TRPC4: variants seen among roughly 807,000 people sequenced by gnomAD.
The protein encoded by TRPC4 is short transient receptor potential channel 4.
Under a neutral mutation model 99.4 loss-of-function variants are expected in TRPC4, and 49 were observed. That is an observed-to-expected ratio of 0.49 (90% CI 0.39 to 0.63). TRPC4 has a LOEUF of 0.63. Ranked by LOEUF, TRPC4 falls within the 20% of genes least tolerant of loss-of-function variation. The pLI is 0.00. For missense variants in TRPC4, 898 were observed against 1,152.9 expected (o/e 0.78, Z 3.20); for synonymous variants, 454 against 425.9 (o/e 1.07, Z -0.81).
chr13:37,868,453 T>A (rs918090217), intron 1 of TRPC4, among the ~76,000 whole-genome samples: 1 of 152,120 alleles, frequency 6.6e-6, no homozygotes, highest in African/African-American at 2.4e-5. Context: ...ACTCTCAATG[T>A]CTAATTTAGA....
At chr13:37,822,532 G>C (rs1198546856) in intron 1 of TRPC4, among the ~76,000 whole-genome samples, 1 of 142,740 alleles carries the variant, frequency 7.0e-6, no homozygotes, top group Non-Finnish European at 1.5e-5. Context: ...TTGGTTTTTT[G>C]TTCTTGTGAT....
intron 3 of TRPC4, among the ~76,000 whole-genome samples, chr13:37,712,754 A>G (rs1182033918): frequency 6.6e-6 from 1 of 152,098 alleles, no homozygotes; most frequent in African/African-American, 2.4e-5. Flanking sequence ...ATGTCTAGAG[A>G]AGGGTGAGAG....
At chr13:37,738,588 G>A (rs1955476948) in intron 3 of TRPC4, among the ~76,000 whole-genome samples, 1 of 152,140 alleles carries the variant, frequency 6.6e-6, no homozygotes, top group Non-Finnish European at 1.5e-5. Flanking sequence ...GTTTGAAAGT[G>A]GGATATATGC....
At chr13:37,785,003 A>C (rs547606019) in intron 1 of TRPC4, among the ~76,000 whole-genome samples, 2 of 152,180 alleles carry the variant, frequency 1.3e-5, no homozygotes, top group African/African-American at 2.4e-5. Context: ...AATATGTATT[A>C]ATTTTAGACG....
At chr13:37,712,898 C>A (rs1186556923) in intron 3 of TRPC4, among the ~76,000 whole-genome samples, 1 of 152,148 alleles carries the variant, frequency 6.6e-6, no homozygotes, top group Non-Finnish European at 1.5e-5. Context: ...GAAAGAAATG[C>A]ATGAGGTTTA....
intron 1 of TRPC4, among the ~76,000 whole-genome samples, chr13:37,814,908 T>G (rs9576363): frequency 0.29 from 43,775 of 151,588 alleles, 6,533 homozygotes; most frequent in East Asian, 0.43. Flanking sequence ...TTTGGAGGAC[T>G]TGCATTATCT....
At chr13:37,864,166 C>G (rs1022458368) in intron 1 of TRPC4, among the ~76,000 whole-genome samples, 11 of 151,702 alleles carry the variant, frequency 7.3e-5, no homozygotes, top group African/African-American at 2.2e-4. Flanking sequence ...TCTCAACTTA[C>G]TTTCCAAATA....
At chr13:37,704,461 C>G (rs573598842) in intron 3 of TRPC4, among the ~76,000 whole-genome samples, 1 of 152,096 alleles carries the variant, frequency 6.6e-6, no homozygotes, top group South Asian at 2.1e-4. Context: ...CCAAGGCAGG[C>G]AGATCACTTA....
intron 2 of TRPC4, among the ~76,000 whole-genome samples, chr13:37,769,281 G>A (rs531169678): frequency 1.3e-5 from 2 of 151,332 alleles, no homozygotes; most frequent in South Asian, 2.1e-4. Context: ...TTCCTTAACT[G>A]TGGTCAAAGG....
At chr13:37,835,068 C>T (rs1197917687) in intron 1 of TRPC4, among the ~76,000 whole-genome samples, 1 of 151,218 alleles carries the variant, frequency 6.6e-6, no homozygotes, top group African/African-American at 2.4e-5. Context: ...TTTTTAAATC[C>T]TGCATATTGT....
chr13:37,752,489 G>A (rs74047152), intron 2 of TRPC4, among the ~76,000 whole-genome samples: 6,172 of 151,914 alleles, frequency 0.041, 345 homozygotes, highest in African/African-American at 0.13. Context: ...AGGAAGAGCC[G>A]GTCACAGATA....
At chr13:37,773,692 T>C (rs1956622157) in intron 2 of TRPC4, among the ~76,000 whole-genome samples, 1 of 151,772 alleles carries the variant, frequency 6.6e-6, no homozygotes, top group South Asian at 2.1e-4. Flanking sequence ...TGTTATGAGG[T>C]TTAAATAAGA....
intron 2 of TRPC4, 27 bp from the exon 3 acceptor site, chr13:37,746,482 G>A: frequency 6.4e-7 from 1 of 1,561,876 alleles, no homozygotes; most frequent in South Asian, 1.2e-5. Context: ...CAGAGGTGAT[G>A]AATATTTATT....
At chr13:37,781,190 T>C (rs1248614191) in intron 2 of TRPC4, among the ~76,000 whole-genome samples, 1 of 152,112 alleles carries the variant, frequency 6.6e-6, no homozygotes, top group Non-Finnish European at 1.5e-5. Context: ...ATGGCCAGTG[T>C]TCTCTAGAAA....
At chr13:37,855,241 A>G (rs1156229521) in intron 1 of TRPC4, among the ~76,000 whole-genome samples, 1 of 151,306 alleles carries the variant, frequency 6.6e-6, no homozygotes, top group Non-Finnish European at 1.5e-5. Context: ...AGAAGAGATA[A>G]AGAAGGTCAC....
chr13:37,775,655 C>T (rs559618933), intron 2 of TRPC4, among the ~76,000 whole-genome samples: 115 of 151,690 alleles, frequency 7.6e-4, no homozygotes, highest in African/African-American at 2.7e-3. Flanking sequence ...CTCACTCCTG[C>T]CAACCTAAAG....
rs1336387460 is a variant in TRPC4 at position 37,655,130 on chromosome 13, G to A, written c.1842C>T (p.Asn614=). ...YNVISLVVLL[N]MLIAMMNNSY... Reference sequence around the variant, plus strand: ...AATTATTCATCATAGCTATTAACATGTTGAGTAGAACAACCAGAGAGATGA... The same window carrying A: ...AATTATTCATCATAGCTATTAACATATTGAGTAGAACAACCAGAGAGATGA... Residue 614 remains asparagine (N), a synonymous_variant, in exon 7 of 11, where the codon AAC becomes AAT. Transcript: ENST00000379705. 4 of 1,595,468 alleles carry A rather than the reference G, an allele frequency of 2.5e-6. No homozygotes were observed. The highest frequency in any genetic ancestry group is 3.4e-6 in the Non-Finnish European group (4 of 1,170,052).
At chr13:37,764,092 G>A (rs997726929) in intron 2 of TRPC4, among the ~76,000 whole-genome samples, 1 of 151,618 alleles carries the variant, frequency 6.6e-6, no homozygotes, top group Non-Finnish European at 1.5e-5. Flanking sequence ...ATTACTACTG[G>A]GGTGGAGACA....
At position 37,734,087 on chromosome 13, in the gene TRPC4, C is replaced by A. The variant is rs1295022855; in HGVS notation, c.897+11850G>T. Among the ~76,000 whole-genome samples, 3 of 152,106 alleles carry A rather than the reference C, an allele frequency of 2.0e-5. No individual in the cohort carries two copies. In the East Asian group the frequency reaches 5.8e-4, roughly 29 times the overall value. ...GAGGACAGAAAGGTCACTGAATGTG[C>A]CTCCATGTTCCATGCTCTTCTTTGC... On this transcript the variant is annotated intron_variant, in intron 3 of 10. Coordinates refer to ENST00000379705, the MANE Select transcript of TRPC4 (RefSeq NM_016179.4).
Sources: gnomAD v4.1 joint callset for allele counts (sites outside exome capture counted in the v4.1 genomes callset) on GRCh38, gnomAD v4.1.1 for gene constraint, MANE v1.5 for transcripts, NCBI Gene and HGNC (gene_info 2026-07-23, HGNC 2026-07-21) for gene names.